Variants in BTAF1 observed in about 807,000 individuals in gnomAD.
BTAF1 encodes the protein B-TFIID TATA-box binding protein associated factor 1, also known as TATA-binding protein-associated factor 172.
BTAF1 carries 38 observed loss-of-function variants against 227.1 expected under a neutral mutation model. That is an observed-to-expected ratio of 0.17 (90% confidence interval 0.13 to 0.22). The LOEUF (loss-of-function observed/expected upper bound fraction) is 0.22. Ranked by LOEUF, BTAF1 falls within the 10% of genes least tolerant of loss-of-function variation. BTAF1 has a pLI of 1.00. For missense variants in BTAF1, 1,598 were observed against 2,204.0 expected, an observed-to-expected ratio of 0.73 and a Z score of 5.51; for synonymous variants, 742 against 751.9, an observed-to-expected ratio of 0.99 and a Z score of 0.21.
chr10:91,959,260 A>G, intron 9 of BTAF1, 106 bp downstream of exon 9: 2 of 1,559,908 alleles, frequency 1.3e-6, no homozygotes, highest in Non-Finnish European at 8.7e-7. Context: ...TGAGAGGTAA[A>G]TAAGAGGAAG....
intron 3 of BTAF1, among the ~76,000 whole-genome samples, chr10:91,940,414 GT>G (rs1844907391): frequency 6.6e-6 from 1 of 151,976 alleles, no homozygotes; most frequent in Non-Finnish European, 1.5e-5. Flanking sequence ...TGGGAGAATA[GT>G]ATAGGGTAGT....
intron 34 of BTAF1, among the ~76,000 whole-genome samples, chr10:92,020,050 A>G (rs548669429): frequency 1.3e-5 from 2 of 152,080 alleles, no homozygotes; most frequent in African/African-American, 4.8e-5. Flanking sequence ...CTGGATATTA[A>G]ACCCTTATCA....
intron 28 of BTAF1, among the ~76,000 whole-genome samples, chr10:92,010,334 A>G (rs181801173): frequency 6.6e-6 from 1 of 152,306 alleles, no homozygotes; most frequent in African/African-American, 2.4e-5. Flanking sequence ...AGTGATAGAA[A>G]TTCAACTCAA....
At chr10:91,945,344 CTTAAG>C (rs1845293444) in intron 4 of BTAF1, among the ~76,000 whole-genome samples, 1 of 151,990 alleles carries the variant, frequency 6.6e-6, no homozygotes, top group Non-Finnish European at 1.5e-5. Flanking sequence ...GTTTTTAAAA[CTTAAG>C]TTTAGTAATG....
intron 3 of BTAF1, among the ~76,000 whole-genome samples, chr10:91,941,452 A>G (rs1844993712): frequency 6.6e-6 from 1 of 152,230 alleles, no homozygotes; most frequent in Non-Finnish European, 1.5e-5. Flanking sequence ...TCAGTAAGTA[A>G]TTATATTTTA....
intron 11 of BTAF1, among the ~76,000 whole-genome samples, chr10:91,960,981 A>G (rs925572569): frequency 1.3e-5 from 2 of 152,228 alleles, no homozygotes; most frequent in African/African-American, 2.4e-5. Flanking sequence ...TGTGTAATCT[A>G]TATATACACA....
chr10:91,964,000 C>T (rs1846709317), intron 12 of BTAF1, 77 bp from the exon 13 acceptor site: 1 of 1,517,904 alleles, frequency 6.6e-7, no homozygotes, highest in Admixed American at 1.8e-5. Context: ...CAGTAGTGAC[C>T]CCTGGGATAC....
At chr10:92,025,933 A>C (rs1358459665) in intron 35 of BTAF1, among the ~76,000 whole-genome samples, 1 of 151,966 alleles carries the variant, frequency 6.6e-6, no homozygotes, top group Non-Finnish European at 1.5e-5. Context: ...TCTGCTATTT[A>C]AGCAGTGTTC....
chr10:92,031,289 A>G lies in BTAF1; in HGVS notation c.*2356A>G, dbSNP rs558389360. Among the ~76,000 whole-genome samples the G allele has an allele frequency of 1.5e-4, 23 of 152,238 alleles. No homozygotes were observed. In the South Asian group the frequency reaches 3.9e-3, roughly 26 times the overall value. ...ATATATATGCTTATTGTATATGCTT[A>G]TTTATTCTACAAACATTTCTCCAAA... On this transcript the variant is annotated 3_prime_UTR_variant, in exon 38 of 38. Coordinates refer to ENST00000265990, the MANE Select transcript of BTAF1 (RefSeq NM_003972.3).
intron 1 of BTAF1, among the ~76,000 whole-genome samples, chr10:91,928,116 A>G (rs1354055970): frequency 6.6e-6 from 1 of 151,408 alleles, no homozygotes; most frequent in Non-Finnish European, 1.5e-5. Flanking sequence ...AATTAGAATA[A>G]TTTTTGAAGT....
At chr10:91,961,213 G>C (rs80192271) in intron 11 of BTAF1, among the ~76,000 whole-genome samples, 4,599 of 152,268 alleles carry the variant, frequency 0.03, 228 homozygotes, top group African/African-American at 0.1. Context: ...TGAGGAGCTA[G>C]AGAGAGACCA....
chr10:91,997,320 T>C (rs1387105194), intron 24 of BTAF1: 2 of 522,386 alleles, frequency 3.8e-6, no homozygotes, highest in African/African-American at 4.0e-5. Flanking sequence ...GCAATTTCTC[T>C]ATGAAAAAAA....
intron 14 of BTAF1, among the ~76,000 whole-genome samples, chr10:91,971,186 C>A (rs1364835587): frequency 6.6e-6 from 1 of 152,008 alleles, no homozygotes; most frequent in Non-Finnish European, 1.5e-5. Context: ...CATAACTTTT[C>A]AATGGCATCA....
rs193228940 is a variant in BTAF1 at position 91,996,308 on chromosome 10, T to C, written c.3310-61T>C. ...AAACTTTCCTGAGTATGGGCTATTA[T>C]AGTTACATATTAAACAGTATTTCCT... is the stretch of plus-strand genomic sequence containing the variant. On this transcript the variant is annotated intron_variant, in intron 23 of 37. Coordinates refer to ENST00000265990, the MANE Select transcript of BTAF1 (RefSeq NM_003972.3). The C allele has an allele frequency of 2.9e-5, 42 of 1,462,044 alleles. 1 individual carries two copies. The highest frequency in any genetic ancestry group is 1.7e-5 in the Admixed American group (1 of 58,144). The allele number at this position is 1,462,044 out of a possible 1,614,324, so 90.6% of individuals were successfully genotyped here.
At position 91,964,536 on chromosome 10, in the gene BTAF1, T is replaced by C. The variant is rs534117783; in HGVS notation, c.1529+335T>C. Among the ~76,000 whole-genome samples the C allele has an allele frequency of 2.3e-4, 35 of 152,316 alleles. 1 individual carries two copies. The highest frequency in any genetic ancestry group is 8.2e-4 in the African/African-American group (34 of 41,582). ...AGAATTTTAGCTTTATTTAGTAACA[T>C]TTAGTTAACAGAATTATCATCGAAC... On this transcript the variant is annotated intron_variant, in intron 13 of 37. Transcript: ENST00000265990.
chr10:91,934,481 C>G (rs1844470774), intron 1 of BTAF1, among the ~76,000 whole-genome samples: 1 of 152,090 alleles, frequency 6.6e-6, no homozygotes, highest in Non-Finnish European at 1.5e-5. Context: ...AAGTGATCCT[C>G]CCACCTCCAC....
intron 18 of BTAF1, 54 bp from the exon 19 acceptor site, chr10:91,984,147 T>C: frequency 6.8e-7 from 1 of 1,478,020 alleles, no homozygotes. Flanking sequence ...GATTTCTGTA[T>C]CTATAAAGTT....
intron 14 of BTAF1, 27 bp from the exon 15 acceptor site, chr10:91,980,427 A>T (rs1435645532): frequency 6.6e-7 from 1 of 1,512,364 alleles, no homozygotes; most frequent in Admixed American, 1.7e-5. Flanking sequence ...TATATGCTAC[A>T]GCTTTTAATT....
chr10:91,934,213 T>C (rs1397382457), intron 1 of BTAF1, among the ~76,000 whole-genome samples: 1 of 152,184 alleles, frequency 6.6e-6, no homozygotes, highest in African/African-American at 2.4e-5. Context: ...AGGTCTTAGA[T>C]TTAAGACTTT....
Sources: gnomAD v4.1 joint callset for allele counts (sites outside exome capture counted in the v4.1 genomes callset) on GRCh38, gnomAD v4.1.1 for gene constraint, MANE v1.5 for transcripts, NCBI Gene and HGNC (gene_info 2026-07-23, HGNC 2026-07-21) for gene names.